The following RIPK4 variants were observed in gnomAD, a reference collection of about 807,000 sequenced individuals.
The protein encoded by RIPK4 is receptor-interacting serine/threonine-protein kinase 4.
RIPK4 carries 17 observed loss-of-function variants against 42.9 expected under a neutral mutation model. That is an observed-to-expected ratio of 0.40 (90% CI 0.27 to 0.59). The LOEUF is 0.59. Among genes scored for constraint, RIPK4 ranks in the 20% least tolerant of loss-of-function variants. The pLI is 0.47. For synonymous variants in RIPK4, 498 were observed against 499.1 expected, an observed-to-expected ratio of 1.00 and a Z score of 0.03; for missense variants, 897 against 1,104.4, an observed-to-expected ratio of 0.81 and a Z score of 2.66.
intron 1 of RIPK4, among the ~76,000 whole-genome samples, chr21:41,758,194 A>G (rs961420608): frequency 6.6e-6 from 1 of 151,734 alleles, no homozygotes; most frequent in Admixed American, 6.6e-5. Flanking sequence ...ATCTACACCC[A>G]AAACTTTTCC....
rs745514957 is a variant in RIPK4 at position 41,740,436 on chromosome 21, AAC to A, written c.*400_*401del. ...CCCACCGTCATGTATGAAGATAAAA[AAC>A]ACAGTTTCCCCTGCACCTCCCTCAA... is the stretch of plus-strand genomic sequence containing the variant. On this transcript the variant is annotated 3_prime_UTR_variant, in exon 8 of 8. Coordinates refer to ENST00000332512, the MANE Select transcript of RIPK4 (RefSeq NM_020639.3). The A allele has an allele frequency of 2.0e-5, 4 of 195,428 alleles. No homozygotes were observed. Among genetic ancestry groups the A allele is most frequent in the East Asian group, 2.6e-4 (2 of 7,626 alleles). The allele number at this position is 195,428 out of a possible 1,614,324, so 12.1% of individuals were successfully genotyped here. A position where few individuals can be genotyped will look rare whatever the true frequency, so the allele number is the denominator to read the frequency against.
In RIPK4 at chr21:41,742,179, C is replaced by A. The variant is rs905910821; in HGVS notation, c.1196-182G>T. On this transcript the variant is annotated intron_variant, in intron 7 of 7. Transcript: ENST00000332512. The surrounding 1 kb of genome is among the most constrained non-coding windows in gnomAD (Gnocchi z 5.1). ...TGATTAAGGTCAGTCCTAGCGGGAG[C>A]CCCGGGGCAGGCTGGCGAATGTCTC... is the stretch of plus-strand genomic sequence containing the variant. 6.6e-6 allele frequency among the ~76,000 whole-genome samples: 1 copy of A among 152,124 alleles called. No homozygotes were observed. The highest frequency in any genetic ancestry group is 2.4e-5 in the African/African-American group (1 of 41,422).
rs747557073 is a variant in RIPK4 at position 41,741,327 on chromosome 21, G to A, written c.1866C>T (p.Ile622=). The A allele has an allele frequency of 1.9e-6, 3 of 1,609,066 alleles. No individual in the cohort carries two copies. The highest frequency in any genetic ancestry group is 2.5e-6 in the Non-Finnish European group (3 of 1,179,602). ...TGACGTCGGAGCACAGGTCGATGAGGATGCGGGCCACGCGGTAGTGCCCGC... is the reference window on the plus strand; with the variant it reads ...TGACGTCGGAGCACAGGTCGATGAGAATGCGGGCCACGCGGTAGTGCCCGC... ...AQRGHYRVAR[I]LIDLCSDVNV... is the part of the protein sequence containing the mutation. Residue 622 remains isoleucine (I), a synonymous_variant, in exon 8 of 8, where the codon ATC becomes ATT. Transcript: ENST00000332512.
intron 1 of RIPK4, among the ~76,000 whole-genome samples, chr21:41,757,672 T>C (rs888630848): frequency 1.1e-4 from 17 of 151,890 alleles, no homozygotes; most frequent in Non-Finnish European, 2.5e-4. Context: ...AGCATGGGGT[T>C]GCCAACAGCC....
chr21:41,740,750 G>A lies in RIPK4; in HGVS notation c.*88C>T. The A allele has an allele frequency of 7.4e-7, 1 of 1,357,692 alleles. No homozygotes were observed. Among genetic ancestry groups the A allele is most frequent in the Middle Eastern group, 2.7e-4 (1 of 3,736 alleles). 84.1% of individuals were successfully genotyped at this position (1,357,692 alleles called of 1,614,324 possible). ...TTAACATTTAGGTAAGCCACAACAG[G>A]GCCCCACGCAGGATCGTTCCATCCC... On this transcript the variant is annotated 3_prime_UTR_variant, in exon 8 of 8. Transcript: ENST00000332512.
At chr21:41,744,256 G>A (rs1188827304) in intron 6 of RIPK4, 116 bp from the exon 7 acceptor site, 1 of 994,380 alleles carries the variant, frequency 1.0e-6, no homozygotes, top group Non-Finnish European at 1.4e-6. Context: ...GGGGAGGAAA[G>A]GACGGACCCT....
intron 5 of RIPK4, 182 bp from the exon 6 acceptor site, chr21:41,746,044 C>G (rs569859000): frequency 1.0e-4 from 72 of 720,354 alleles, no homozygotes; most frequent in Non-Finnish European, 1.6e-4. Context: ...CAGGCCCCCC[C>G]ATCGGTAATC....
At chr21:41,749,889 TA>T (rs776305508) in intron 3 of RIPK4, among the ~76,000 whole-genome samples, 18,056 of 99,386 alleles carry the variant, frequency 0.18, 1,303 homozygotes, top group East Asian at 0.33. Context: ...CCAAATTGAT[TA>T]AAAAAAAAAA....
intron 1 of RIPK4, among the ~76,000 whole-genome samples, chr21:41,759,397 GCTTT>G (rs1476869825): frequency 7.2e-5 from 11 of 152,080 alleles, no homozygotes; most frequent in African/African-American, 2.4e-4. Context: ...CAGCCAATCT[GCTTT>G]CTAATAATAT....
intron 1 of RIPK4, among the ~76,000 whole-genome samples, chr21:41,758,741 G>C (rs2146058692): frequency 6.6e-6 from 1 of 152,360 alleles, no homozygotes; most frequent in South Asian, 2.1e-4. Context: ...AAAGGGGAGA[G>C]GAGTCCTTGC....
At chr21:41,764,313 G>A (rs1473970894) in intron 1 of RIPK4, among the ~76,000 whole-genome samples, 1 of 152,230 alleles carries the variant, frequency 6.6e-6, no homozygotes, top group Non-Finnish European at 1.5e-5. Context: ...AGACCACCTT[G>A]AGAGGCAAGC....
At chr21:41,746,395 G>A (rs1171653972) in intron 5 of RIPK4, among the ~76,000 whole-genome samples, 1 of 152,264 alleles carries the variant, frequency 6.6e-6, no homozygotes, top group East Asian at 1.9e-4. Flanking sequence ...GGGGGCGGAT[G>A]GTTGGAGGCA....
chr21:41,741,703 A>ACACTG lies in RIPK4; in HGVS notation c.1485_1489dup (p.Val497AlafsTer69). 6.2e-7 allele frequency: 1 copy of ACACTG among 1,613,584 alleles called. No individual in the cohort carries two copies. The highest frequency in any genetic ancestry group is 8.5e-7 in the Non-Finnish European group (1 of 1,179,986). On this transcript the variant is annotated frameshift_variant, in exon 8 of 8. Coordinates refer to ENST00000332512, the MANE Select transcript of RIPK4 (RefSeq NM_020639.3). LOFTEE classifies it low-confidence loss of function (END_TRUNC). ...CCACTGGTCCTCATCCTTGGCGTTG[A>ACACTG]CACTGATCTTCCGCGCCAGCAGGAG...
intron 3 of RIPK4, among the ~76,000 whole-genome samples, chr21:41,750,789 C>T (rs2061186128): frequency 6.6e-6 from 1 of 152,180 alleles, no homozygotes; most frequent in Admixed American, 6.5e-5. Flanking sequence ...AAGCAATCCC[C>T]CAACCTCAGT....
At chr21:41,766,744 G>A (rs1481633728) in intron 1 of RIPK4, 116 bp downstream of exon 1, 5 of 1,127,788 alleles carry the variant, frequency 4.4e-6, no homozygotes. Flanking sequence ...TTTCCCCCCC[G>A]AAGCTGCTCC....
intron 7 of RIPK4, among the ~76,000 whole-genome samples, chr21:41,743,070 A>G (rs1434485639): frequency 6.6e-6 from 1 of 152,218 alleles, no homozygotes; most frequent in Non-Finnish European, 1.5e-5. Context: ...CTTTGCCTCC[A>G]AGAGGATGTT....
At chr21:41,743,245 A>C (rs1172666689) in intron 7 of RIPK4, among the ~76,000 whole-genome samples, 1 of 152,214 alleles carries the variant, frequency 6.6e-6, no homozygotes, top group Non-Finnish European at 1.5e-5. Context: ...AGCCGGCAGA[A>C]AGGAGGCCAG....
At chr21:41,744,164 T>TG in intron 6 of RIPK4, 24 bp from the exon 7 acceptor site, 14 of 1,556,108 alleles carry the variant, frequency 9.0e-6, no homozygotes, top group Non-Finnish European at 1.2e-5. Context: ...GAAGAGGGGG[T>TG]GGGTGAAGAC....
rs914292273 is a variant in RIPK4, at chr21:41,746,635, C to A, written c.810G>T (p.Pro270=). The change falls in exon 5 of 8, where the codon CCG becomes CCT. Residue 270 remains proline, a synonymous_variant. Coordinates refer to ENST00000332512, the MANE Select transcript of RIPK4 (RefSeq NM_020639.3). ...RLMQRCWQGD[P]RVRPTFQEIT... is the part of the protein sequence containing the mutation. Reference sequence around the variant, plus strand: ...CACCTTGGAAGGTGGGCCTAACTCGCGGATCCCCCTGCCAGCACCGCTGCA... The same window carrying A: ...CACCTTGGAAGGTGGGCCTAACTCGAGGATCCCCCTGCCAGCACCGCTGCA... The A allele has an allele frequency of 6.2e-7, 1 of 1,610,474 alleles. No individual in the cohort carries two copies.
Sources: allele counts gnomAD v4.1 joint callset (sites outside exome capture counted in the v4.1 genomes callset), GRCh38; gene constraint gnomAD v4.1.1; non-coding constraint Gnocchi (gnomAD v3.1); transcripts MANE v1.5; gene names NCBI Gene and HGNC (gene_info 2026-07-23, HGNC 2026-07-21).